The following SRCAP variants were observed in gnomAD, a reference collection of about 807,000 sequenced individuals.
SRCAP encodes Snf2 related CREBBP activator protein.
Under a neutral mutation model 263.1 loss-of-function variants are expected in SRCAP, and 46 were observed. That is an observed-to-expected ratio of 0.17 (90% CI 0.14 to 0.22). SRCAP has a LOEUF of 0.22. SRCAP is among the 10% of genes least tolerant of loss of function. The pLI is 1.00. For synonymous variants in SRCAP, 1,813 were observed against 1,662.1 expected (o/e 1.09, Z -2.21); for missense variants, 3,695 against 4,181.9 (o/e 0.88, Z 3.21).
At chr16:30,736,672 TTTTTC>T in intron 33 of SRCAP, 48 bp downstream of exon 33, 1 of 1,591,476 alleles carries the variant, frequency 6.3e-7, no homozygotes, top group Non-Finnish European at 8.6e-7. Flanking sequence ...TGCTAATTTC[TTTTTC>T]TTTTCTCTTT....
intron 16 of SRCAP, among the ~76,000 whole-genome samples, chr16:30,714,730 A>AC (rs1211064752): frequency 6.6e-6 from 1 of 151,446 alleles, no homozygotes; most frequent in African/African-American, 2.4e-5. Context: ...CGAACTCCTG[A>AC]CCTTAAGTGA....
Position 30,738,803 on chromosome 16 carries a change from C to G in SRCAP, c.8763C>G (p.Pro2921=), listed in dbSNP as rs753509067. 6 of 1,613,724 alleles carry G rather than the reference C, an allele frequency of 3.7e-6. No homozygotes were observed. The African/African-American group carries it at 4.0e-5, about 11-fold the overall frequency. Residue 2921 remains proline (P), a synonymous_variant, in exon 34 of 34, where the codon CCC becomes CCG. Coordinates refer to ENST00000262518, the MANE Select transcript of SRCAP (RefSeq NM_006662.3). The stretch of plus-strand genomic sequence containing the variant: ...TTCCTGGGCCCCAGCCTCTTGGACC[C>G]CAGCCAGTTCACAGACCCAATCCCC... ...QLIPGPQPLG[P]QPVHRPNPLL...
At chr16:30,717,903 G>A (rs1351046376) in intron 18 of SRCAP, among the ~76,000 whole-genome samples, 6 of 150,802 alleles carry the variant, frequency 4.0e-5, no homozygotes, top group East Asian at 1.9e-4. Context: ...CACTGCACCC[G>A]GCCCTGCTGA....
In SRCAP at chr16:30,739,646, A is replaced by G. The variant is rs763696957; in HGVS notation, c.9606A>G (p.Gln3202=). 2 of 1,590,446 alleles carry G rather than the reference A, an allele frequency of 1.3e-6. No homozygotes were observed. The highest frequency in any genetic ancestry group is 2.3e-5 in the South Asian group (2 of 88,606). The change falls in exon 34 of 34, where the codon CAA becomes CAG. Residue 3202 remains glutamine, a synonymous_variant. Coordinates refer to ENST00000262518, the MANE Select transcript of SRCAP (RefSeq NM_006662.3). ...GPRRLVGTTN[Q]GDQRILRSSA... is the part of the protein sequence containing the mutation. Reference sequence around the variant, plus strand: ...GCCGGCTTGTTGGGACCACCAACCAAGGGGACCAGCGCATCCTGCGCAGCA... The same window carrying G: ...GCCGGCTTGTTGGGACCACCAACCAGGGGGACCAGCGCATCCTGCGCAGCA...
In SRCAP at chr16:30,723,972, T is replaced by G. The variant is rs763700095; in HGVS notation, c.4548T>G (p.Ser1516=). ...TLGLATAPSL[S]SSQTPGHPLL... is the part of the protein sequence containing the mutation. The stretch of plus-strand genomic sequence containing the variant: ...GTTTGGCCACAGCTCCATCCCTGTC[T>G]TCATCTCAGACACCTGGTCACCCTC... Residue 1516 remains serine, a synonymous_variant, in exon 25 of 34, where the codon TCT becomes TCG. Transcript: ENST00000262518. 2 of 1,614,002 alleles carry G rather than the reference T, an allele frequency of 1.2e-6. No individual in the cohort carries two copies. Among genetic ancestry groups the G allele is most frequent in the Non-Finnish European group, 1.7e-6 (2 of 1,180,024 alleles).
rs1477874825 is a variant in SRCAP at position 30,722,186 on chromosome 16, G to A, written c.3606G>A (p.Gly1202=). 6.2e-7 allele frequency: 1 copy of A among 1,614,172 alleles called. No homozygotes were observed. ...CACAACGTCCAGTGGCTAATGCAGGGGGAAGCAAACCTCTCACCTTCCAAA... is the reference window on the plus strand; with the variant it reads ...CACAACGTCCAGTGGCTAATGCAGGAGGAAGCAAACCTCTCACCTTCCAAA... ...SLAQRPVANA[G]GSKPLTFQIQ... The change falls in exon 22 of 34, where the codon GGG becomes GGA. Residue 1202 remains glycine (G), a synonymous_variant. Coordinates refer to ENST00000262518, the MANE Select transcript of SRCAP (RefSeq NM_006662.3).
intron 6 of SRCAP, among the ~76,000 whole-genome samples, chr16:30,708,699 A>G (rs1224451347): frequency 6.6e-6 from 1 of 152,112 alleles, no homozygotes; most frequent in Non-Finnish European, 1.5e-5. Flanking sequence ...TGGCCTAAAA[A>G]TATTTTTTTG....
At chr16:30,728,855 A>T in intron 25 of SRCAP, 111 bp from the exon 26 acceptor site, 2 of 1,300,766 alleles carry the variant, frequency 1.5e-6, no homozygotes, top group Non-Finnish European at 1.0e-6. Context: ...AGCATAGTGT[A>T]TTTTTGGATC....
chr16:30,711,505 G>T, intron 10 of SRCAP, 66 bp from the exon 11 acceptor site: 2 of 1,486,756 alleles, frequency 1.3e-6, no homozygotes, highest in African/African-American at 1.4e-5. Context: ...AAATTAACTG[G>T]TACTACTCAG....
At chr16:30,731,224 A>G (rs1338781819) in intron 27 of SRCAP, among the ~76,000 whole-genome samples, 1 of 152,196 alleles carries the variant, frequency 6.6e-6, no homozygotes, top group Non-Finnish European at 1.5e-5. Flanking sequence ...ACTTAGAGCA[A>G]TCACTGACAA....
Position 30,738,108 on chromosome 16 carries a change from C to G in SRCAP, c.8068C>G (p.Pro2690Ala). 6.2e-7 allele frequency: 1 copy of G among 1,614,180 alleles called. No individual in the cohort carries two copies. The highest frequency in any genetic ancestry group is 8.5e-7 in the Non-Finnish European group (1 of 1,180,040). ...GACCCCAACCTCCAGCCCAGAGAAG[C>G]CACAGGAACTCGTTACAGCTGAGGT... is the stretch of plus-strand genomic sequence containing the variant. ...AKTPTSSPEK[P>A]QELVTAEVAA... Residue 2690 changes from proline to alanine, a missense_variant, in exon 34 of 34, where the codon CCA becomes GCA. Physicochemically the swap from Pro to Ala is conservative, Grantham distance 27. Around this residue, in one of 12 missense-constraint regions of SRCAP, gnomAD observed 1,207 missense variants for 1,142.9 expected, o/e 1.06. Transcript: ENST00000262518.
Position 30,700,776 on chromosome 16 carries a change from C to T in SRCAP, c.-49C>T, listed in dbSNP as rs1028931008. ...CCTCGGCCAGCAGTACTGGTGATAACAACCCAGTCATTCTTCAGGCATCCA... is the reference window on the plus strand; with the variant it reads ...CCTCGGCCAGCAGTACTGGTGATAATAACCCAGTCATTCTTCAGGCATCCA... On this transcript the variant is annotated 5_prime_UTR_variant, in exon 3 of 34. Transcript: ENST00000262518. 1 of 1,573,098 alleles carries T rather than the reference C, an allele frequency of 6.4e-7. No individual in the cohort carries two copies. The highest frequency in any genetic ancestry group is 1.7e-5 in the Admixed American group (1 of 59,616).
At chr16:30,720,025 TGTGA>T in intron 18 of SRCAP, 133 bp from the exon 19 acceptor site, 1 of 914,038 alleles carries the variant, frequency 1.1e-6, no homozygotes, top group Non-Finnish European at 1.7e-6. Context: ...AGCTCCCACT[TGTGA>T]GTGAGTACAT....
intron 30 of SRCAP, 72 bp downstream of exon 30, chr16:30,734,080 A>T: frequency 7.4e-7 from 1 of 1,355,388 alleles, no homozygotes; most frequent in Non-Finnish European, 1.0e-6. Context: ...CTGTTTATTA[A>T]AGAAGACTGC....
In SRCAP at chr16:30,712,452, G is replaced by A. The variant is rs1026580315; in HGVS notation, c.1993+13G>A. The A allele has an allele frequency of 6.4e-7, 1 of 1,555,406 alleles. No individual in the cohort carries two copies. The highest frequency in any genetic ancestry group is 8.7e-7 in the Non-Finnish European group (1 of 1,153,532). On this transcript the variant is annotated intron_variant, in intron 13 of 33. Transcript: ENST00000262518. ...GCTTGTGAGAAAGGTAAGTAGGCAA[G>A]GCCCCTTCTTTTGTTCCCCCTAGTC...
chr16:30,704,824 C>T (rs1232417275), intron 4 of SRCAP, among the ~76,000 whole-genome samples: 3 of 151,488 alleles, frequency 2.0e-5, no homozygotes, highest in Non-Finnish European at 4.4e-5. Context: ...CCTGAGCAAC[C>T]GAGTAAGATC....
chr16:30,715,961 C>T, intron 16 of SRCAP, 105 bp from the exon 17 acceptor site: 1 of 1,454,014 alleles, frequency 6.9e-7, no homozygotes, highest in Non-Finnish European at 9.4e-7. Flanking sequence ...TGGTTGGTGT[C>T]TGATATGGTG....
At position 30,738,224 on chromosome 16, in the gene SRCAP, G is replaced by A. The variant is rs748285155; in HGVS notation, c.8184G>A (p.Val2728=). The A allele has an allele frequency of 2.2e-5, 36 of 1,614,042 alleles. No individual in the cohort carries two copies. In the South Asian group the frequency reaches 3.8e-4, roughly 17 times the overall value. The change falls in exon 34 of 34, where the codon GTG becomes GTA. Residue 2728 remains valine (V), a synonymous_variant. Transcript: ENST00000262518. ...CTCGGCGTCGCACCAGTGCTGATGT[G>A]GAAATTAGGGGTCAAGGGACTGGTC... ...RPPRRRTSAD[V]EIRGQGTGRP...
chr16:30,720,009 A>G (rs754074687), intron 18 of SRCAP, among the ~76,000 whole-genome samples, 153 bp from the exon 19 acceptor site: 1 of 152,106 alleles, frequency 6.6e-6, no homozygotes, highest in Non-Finnish European at 1.5e-5. Flanking sequence ...TGCGTACCCA[A>G]TGTTTAGCTC....
Sources: gnomAD v4.1 joint callset for allele counts (sites outside exome capture counted in the v4.1 genomes callset) on GRCh38, gnomAD v4.1.1 for gene constraint, gnomAD v4.1.1 regional missense constraint, MANE v1.5 for transcripts, NCBI Gene and HGNC (gene_info 2026-07-23, HGNC 2026-07-21) for gene names.